TMPRSS4: variants seen among roughly 807,000 people sequenced by gnomAD.
The protein encoded by TMPRSS4 is transmembrane serine protease 4, also known as transmembrane protease serine 4.
In TMPRSS4, 45 loss-of-function variants were observed where a neutral mutation model predicts 56.4. The observed-to-expected ratio is 0.80, with a 90% CI of 0.63 to 1.02. TMPRSS4 has a LOEUF of 1.02. Among genes scored for constraint, TMPRSS4 ranks in the 50% least tolerant of loss-of-function variants. The pLI is 0.00. For synonymous variants in TMPRSS4, 205 were observed against 211.0 expected (o/e 0.97, Z 0.25); for missense variants, 546 against 556.7 (o/e 0.98, Z 0.19).
chr11:118,113,449 C>T lies in TMPRSS4; in HGVS notation c.910+14C>T. On this transcript the variant is annotated intron_variant, in intron 9 of 12. Transcript: ENST00000437212. ...TCACTTTCTCAGGTGAGAAGCAGGG[C>T]CCAAGGCCACTCAAGCCTCTTACAT... 2.5e-6 allele frequency: 4 copies of T among 1,612,266 alleles called. No individual in the cohort carries two copies. Among genetic ancestry groups the T allele is most frequent in the East Asian group, 2.2e-5 (1 of 44,840 alleles).
downstream of TMPRSS4, among the ~76,000 whole-genome samples, chr11:118,124,938 G>A (rs938861235): frequency 1.3e-4 from 20 of 152,306 alleles, no homozygotes; most frequent in African/African-American, 4.8e-4. Context: ...TCACTTGCCC[G>A]CTTACTTCTT....
At chr11:118,107,301 C>T (rs758011863) in intron 5 of TMPRSS4, 2 of 152,962 alleles carry the variant, frequency 1.3e-5, no homozygotes, top group Non-Finnish European at 2.9e-5. Flanking sequence ...CAAAAACATA[C>T]CCCCGCTATC....
intron 3 of TMPRSS4, among the ~76,000 whole-genome samples, chr11:118,100,140 C>T (rs1010539316): frequency 1.3e-5 from 2 of 152,134 alleles, no homozygotes; most frequent in Non-Finnish European, 2.9e-5. Context: ...CTGCCTCATA[C>T]CCTCAGTCTC....
chr11:118,101,544 C>T (rs1591385432), intron 3 of TMPRSS4, among the ~76,000 whole-genome samples: 1 of 152,088 alleles, frequency 6.6e-6, no homozygotes, highest in African/African-American at 2.4e-5. Flanking sequence ...CGTGTGATCA[C>T]CTCACTGCAG....
intron 1 of TMPRSS4, among the ~76,000 whole-genome samples, chr11:118,083,568 G>A (rs1191733980): frequency 6.6e-6 from 1 of 151,978 alleles, no homozygotes; most frequent in African/African-American, 2.4e-5. Flanking sequence ...TTGACTATGA[G>A]TATCTACTAT....
chr11:118,114,918 C>A lies in TMPRSS4; in HGVS notation c.1000C>A (p.Gln334Lys), dbSNP rs1215705203. 1 of 1,601,784 alleles carries A rather than the reference C, an allele frequency of 6.2e-7. No individual in the cohort carries two copies. ...LWIIGWGFTK[Q>K]NGGKMSDILL... ...GATCATTGGATGGGGCTTTACGAAG[C>A]AGAATGGAGGTAAGTCCTGGGTGCA... The change falls in exon 10 of 13, where the codon CAG becomes AAG. Residue 334 changes from glutamine (Q) to lysine (K), a missense_variant. Gln to Lys is a moderately conservative substitution (Grantham distance 53). Transcript: ENST00000437212.
chr11:118,114,996 T>C lies in TMPRSS4; in HGVS notation c.1009+69T>C, dbSNP rs571893340. On this transcript the variant is annotated intron_variant, in intron 10 of 12. Transcript: ENST00000437212. ...ATGAGGGAGCAGCTTCCAGAAGTAATGGGAAGGAGGACCACCCTTCAGAGA... is the reference window on the plus strand; with the variant it reads ...ATGAGGGAGCAGCTTCCAGAAGTAACGGGAAGGAGGACCACCCTTCAGAGA... The C allele has an allele frequency of 1.0e-4, 159 of 1,551,656 alleles. 1 individual carries two copies. In the South Asian group the frequency reaches 1.3e-3, roughly 13 times the overall value.
In TMPRSS4 at chr11:118,094,859, A is replaced by C. The variant is rs761279517; in HGVS notation, c.43+4A>C. ...GATCAACCTCTGAACAGCCTCGGTAAGTTCAGGTCCGGCTTTCATTCGTCC... is the reference window on the plus strand; with the variant it reads ...GATCAACCTCTGAACAGCCTCGGTACGTTCAGGTCCGGCTTTCATTCGTCC... On this transcript the variant is annotated splice_donor_region_variant and intron_variant, in intron 2 of 12. Coordinates refer to ENST00000437212, the MANE Select transcript of TMPRSS4 (RefSeq NM_019894.4). 3 of 1,612,348 alleles carry C rather than the reference A, an allele frequency of 1.9e-6. No homozygotes were observed. The highest frequency in any genetic ancestry group is 2.5e-6 in the Non-Finnish European group (3 of 1,179,330).
chr11:118,121,352 TTCTTC>T lies in TMPRSS4; in HGVS notation c.*3441_*3445del. The T allele has an allele frequency of 6.6e-6, 1 of 152,096 alleles. No individual in the cohort carries two copies. The highest frequency in any genetic ancestry group is 2.1e-4 in the South Asian group (1 of 4,822). 9.4% of individuals were successfully genotyped at this position (152,096 alleles called of 1,614,324 possible). On this transcript the variant is annotated 3_prime_UTR_variant, in exon 13 of 13. Transcript: ENST00000437212. ...ACACTCTGTCTACTTCTTCTTCTTC[TTCTTC>T]TTCTTCTTCTTCTTATTTTGAGACT...
Position 118,099,154 on chromosome 11 carries a change from C to T in TMPRSS4, c.157+56C>T, listed in dbSNP as rs1946581516. 22 of 1,443,032 alleles carry T rather than the reference C, an allele frequency of 1.5e-5. 1 individual carries two copies. In the South Asian group the frequency reaches 2.2e-4, roughly 14 times the overall value. 89.4% of individuals were successfully genotyped at this position (1,443,032 alleles called of 1,614,324 possible). A position where few individuals can be genotyped will look rare whatever the true frequency, so the allele number is the denominator to read the frequency against. On this transcript the variant is annotated intron_variant, in intron 3 of 12. Coordinates refer to ENST00000437212, the MANE Select transcript of TMPRSS4 (RefSeq NM_019894.4). ...CTCTAAGTAAATGACAGGGCCCAAC[C>T]CCCACCCCCGCACTCACCCCTGAAT...
At chr11:118,102,184 G>T (rs1392427510) in intron 3 of TMPRSS4, among the ~76,000 whole-genome samples, 1 of 151,918 alleles carries the variant, frequency 6.6e-6, no homozygotes, top group Admixed American at 6.6e-5. Context: ...AGGCCCCAGT[G>T]TGTGTTGATC....
rs1378082853 is a variant in TMPRSS4, at chr11:118,113,322, G to T, written c.797G>T (p.Gly266Val). 3 of 1,614,094 alleles carry T rather than the reference G, an allele frequency of 1.9e-6. No individual in the cohort carries two copies. The highest frequency in any genetic ancestry group is 3.3e-5 in the Admixed American group (2 of 60,016). The change falls in exon 9 of 13, where the codon GGC becomes GTC. Residue 266 changes from glycine (G) to valine (V), a missense_variant. Transcript: ENST00000437212. Reference protein sequence around the residue: ...WKVRAGSDKLGSFPSLAVAKI... With the variant: ...WKVRAGSDKLVSFPSLAVAKI... The stretch of plus-strand genomic sequence containing the variant: ...GTGCGGGCAGGCTCAGACAAACTGG[G>T]CAGCTTCCCATCCCTGGCTGTGGCC...
chr11:118,081,059 C>T lies in TMPRSS4; in HGVS notation c.3+3754C>T, dbSNP rs556380919. Among the ~76,000 whole-genome samples, 28 of 152,324 alleles carry T rather than the reference C, an allele frequency of 1.8e-4. 1 individual carries two copies. The East Asian group carries it at 4.6e-3, about 25-fold the overall frequency. On this transcript the variant is annotated intron_variant, in intron 1 of 12. Coordinates refer to ENST00000437212, the MANE Select transcript of TMPRSS4 (RefSeq NM_019894.4). The stretch of plus-strand genomic sequence containing the variant: ...TCTGCTTTTAGCCGCAAACCTAGCA[C>T]AGGGCATGGCATCCATGGCATGGAC...
intron 1 of TMPRSS4, among the ~76,000 whole-genome samples, chr11:118,083,028 C>G (rs182045692): frequency 6.6e-6 from 1 of 152,200 alleles, no homozygotes; most frequent in Non-Finnish European, 1.5e-5. Flanking sequence ...CCCCCACCCC[C>G]GCCACTTCTG....
chr11:118,085,318 G>A (rs886862553), intron 1 of TMPRSS4, among the ~76,000 whole-genome samples: 6 of 151,078 alleles, frequency 4.0e-5, no homozygotes, highest in Non-Finnish European at 7.4e-5. Context: ...CCGCCTCCCA[G>A]GTTCAAGCGA....
chr11:118,112,553 C>T (rs1391733073), intron 8 of TMPRSS4, among the ~76,000 whole-genome samples: 3 of 151,798 alleles, frequency 2.0e-5, no homozygotes, highest in Non-Finnish European at 2.9e-5. Flanking sequence ...CCACCATGCC[C>T]GGCTAATTTT....
rs139375888 is a variant in TMPRSS4, at chr11:118,088,773, G to A, written c.4-6043G>A. On this transcript the variant is annotated intron_variant, in intron 1 of 12. Coordinates refer to ENST00000437212, the MANE Select transcript of TMPRSS4 (RefSeq NM_019894.4). ...GGCAGAAGCTGAGTTCAAGCTGGGG[G>A]TAAATAAATACATCTCCAGCAAAGC... is the stretch of plus-strand genomic sequence containing the variant. 1.7e-3 allele frequency among the ~76,000 whole-genome samples: 252 copies of A among 152,342 alleles called. 1 individual carries two copies. Among genetic ancestry groups the A allele is most frequent in the African/African-American group, 5.7e-3 (236 of 41,576 alleles).
intron 2 of TMPRSS4, among the ~76,000 whole-genome samples, chr11:118,098,033 G>T (rs904671429): frequency 8.5e-5 from 13 of 152,186 alleles, no homozygotes; most frequent in Admixed American, 2.0e-4. Context: ...GCCTCCCAAA[G>T]TGCTGGGATT....
chr11:118,111,323 C>T (rs1055816011), intron 7 of TMPRSS4, among the ~76,000 whole-genome samples: 12 of 152,150 alleles, frequency 7.9e-5, no homozygotes, highest in Admixed American at 6.5e-5. Context: ...TTGGATGAGA[C>T]AGTCCACTTC....
Sources: gnomAD v4.1 joint callset for allele counts (sites outside exome capture counted in the v4.1 genomes callset) on GRCh38, gnomAD v4.1.1 for gene constraint, MANE v1.5 for transcripts, NCBI Gene and HGNC (gene_info 2026-07-23, HGNC 2026-07-21) for gene names.